The following AMPH variants were observed in gnomAD, a reference collection of about 807,000 sequenced individuals.
AMPH encodes amphiphysin, also known as amphiphysin (Stiff-Mann syndrome with breast cancer 128kD autoantigen).
In AMPH, 49 loss-of-function variants were observed where a neutral mutation model predicts 99.1. The ratio of observed to expected loss-of-function variants is 0.49; its 90% CI spans 0.39 to 0.63. The LOEUF is 0.63. Among genes scored for constraint, AMPH ranks in the 20% least tolerant of loss-of-function variants. The probability of loss-of-function intolerance (pLI) is 0.00; values close to 1 mark genes in which losing one functional copy is unlikely to be tolerated. For missense variants in AMPH, 759 were observed against 863.4 expected, an observed-to-expected ratio of 0.88 and a Z score of 1.52; for synonymous variants, 314 against 317.3, an observed-to-expected ratio of 0.99 and a Z score of 0.11.
chr7:38,408,199 G>A (rs554977444), intron 17 of AMPH, among the ~76,000 whole-genome samples: 43 of 152,296 alleles, frequency 2.8e-4, no homozygotes, highest in Non-Finnish European at 4.6e-4. Flanking sequence ...GAGTTCCACG[G>A]AAATTCTGAG....
intron 1 of AMPH, among the ~76,000 whole-genome samples, chr7:38,587,924 G>A (rs983317744): frequency 6.8e-6 from 1 of 147,932 alleles, no homozygotes; most frequent in African/African-American, 2.6e-5. Context: ...CTGTGTGTGT[G>A]TGTGTGTGTG....
intron 2 of AMPH, among the ~76,000 whole-genome samples, chr7:38,511,690 A>T (rs1413101088): frequency 1.3e-5 from 2 of 152,236 alleles, no homozygotes; most frequent in Non-Finnish European, 2.9e-5. Context: ...AATCAAGTAG[A>T]TAATATACAA....
At chr7:38,492,462 T>G (rs1258670618) in intron 4 of AMPH, among the ~76,000 whole-genome samples, 4 of 151,316 alleles carry the variant, frequency 2.6e-5, no homozygotes, top group African/African-American at 9.7e-5. Context: ...GACACATAAG[T>G]TTTCATCTTG....
intron 2 of AMPH, among the ~76,000 whole-genome samples, chr7:38,530,659 A>G (rs1790363813): frequency 6.6e-6 from 1 of 152,204 alleles, no homozygotes; most frequent in Admixed American, 6.5e-5. Context: ...CGAGTTTATT[A>G]GCAGGAAGGA....
Position 38,411,999 on chromosome 7 carries a change from A to G in AMPH, c.1398+5826T>C, listed in dbSNP as rs118112088. Among the ~76,000 whole-genome samples, 223 of 152,352 alleles carry G rather than the reference A, an allele frequency of 1.5e-3. 2 individuals carry two copies. The highest frequency in any genetic ancestry group is 2.1e-3 in the Non-Finnish European group (144 of 68,038). On this transcript the variant is annotated intron_variant, in intron 17 of 20. Transcript: ENST00000356264. ...GCAGACACAAAACCATCTTATAATC[A>G]TGTGTTGTATGATTCCATTTATATC...
intron 6 of AMPH, among the ~76,000 whole-genome samples, 161 bp downstream of exon 6, chr7:38,476,701 G>T (rs530935924): frequency 6.6e-6 from 1 of 152,100 alleles, no homozygotes; most frequent in Non-Finnish European, 1.5e-5. Flanking sequence ...ATAATGAAAA[G>T]CCTTATTTTA....
chr7:38,525,919 AT>A (rs1201781009), intron 2 of AMPH, among the ~76,000 whole-genome samples: 2 of 152,144 alleles, frequency 1.3e-5, no homozygotes, highest in Non-Finnish European at 2.9e-5. Flanking sequence ...TTTGTGAACA[AT>A]TTTTTTGTGA....
chr7:38,516,341 T>C (rs1293005406), intron 2 of AMPH, among the ~76,000 whole-genome samples: 3 of 152,158 alleles, frequency 2.0e-5, no homozygotes, highest in East Asian at 1.9e-4. Flanking sequence ...CACTGCTCCA[T>C]GCATCCCAGC....
At chr7:38,605,847 A>G (rs1793417652) in intron 1 of AMPH, among the ~76,000 whole-genome samples, 1 of 152,140 alleles carries the variant, frequency 6.6e-6, no homozygotes, top group African/African-American at 2.4e-5. Flanking sequence ...AAGTGCTGGC[A>G]TTACAGGCGT....
chr7:38,519,921 T>C (rs1025332600), intron 2 of AMPH, among the ~76,000 whole-genome samples: 1 of 152,112 alleles, frequency 6.6e-6, no homozygotes, highest in Non-Finnish European at 1.5e-5. Context: ...GTGGTACATA[T>C]ACACCACAGA....
In AMPH at chr7:38,631,266, G is replaced by A. The variant is rs1439248883; in HGVS notation, c.69+17C>T. 2 of 1,513,918 alleles carry A rather than the reference G, an allele frequency of 1.3e-6. No individual in the cohort carries two copies. The highest frequency in any genetic ancestry group is 2.1e-5 in the Admixed American group (1 of 47,590). 93.8% of individuals were successfully genotyped at this position (1,513,918 alleles called of 1,614,324 possible). On this transcript the variant is annotated intron_variant, in intron 1 of 20. Coordinates refer to ENST00000356264, the MANE Select transcript of AMPH (RefSeq NM_001635.4). ...GCCTGGCGTCCCCGGCCCCAGCCCCGGCCGCCCGCCGCTGACCTTTTCCTG... is the reference window on the plus strand; with the variant it reads ...GCCTGGCGTCCCCGGCCCCAGCCCCAGCCGCCCGCCGCTGACCTTTTCCTG...
chr7:38,623,899 G>T lies in AMPH; in HGVS notation c.69+7384C>A, dbSNP rs972561483. Among the ~76,000 whole-genome samples, 7 of 152,288 alleles carry T rather than the reference G, an allele frequency of 4.6e-5. 1 individual carries two copies. The Middle Eastern group carries it at 0.01, about 222-fold the overall frequency. On this transcript the variant is annotated intron_variant, in intron 1 of 20. Coordinates refer to ENST00000356264, the MANE Select transcript of AMPH (RefSeq NM_001635.4). ...ATCACTCAATCAACATTGCACTGAA[G>T]CACATGACTCTGCCAATATTTGACT... is the stretch of plus-strand genomic sequence containing the variant.
At chr7:38,393,277 T>C (rs35130768) in intron 18 of AMPH, among the ~76,000 whole-genome samples, 1 of 152,172 alleles carries the variant, frequency 6.6e-6, no homozygotes, top group Non-Finnish European at 1.5e-5. Context: ...CCTGGAGAAA[T>C]TTTTGAAAAC....
Position 38,537,884 on chromosome 7 carries a change from T to C in AMPH, c.70-2873A>G, listed in dbSNP as rs941848118. Among the ~76,000 whole-genome samples, 20 of 152,240 alleles carry C rather than the reference T, an allele frequency of 1.3e-4. No homozygotes were observed. In the East Asian group the frequency reaches 3.5e-3, roughly 26 times the overall value. On this transcript the variant is annotated intron_variant, in intron 1 of 20. Coordinates refer to ENST00000356264, the MANE Select transcript of AMPH (RefSeq NM_001635.4). ...GGCAAAGATAGTTGATACTATGTGA[T>C]GAGAAGAACACTTGATATGATTTGG... is the stretch of plus-strand genomic sequence containing the variant.
chr7:38,631,242 C>T, intron 1 of AMPH, 41 bp downstream of exon 1: 1 of 1,498,844 alleles, frequency 6.7e-7, no homozygotes. Flanking sequence ...CAAGCCCCCG[C>T]CTGGCGTCCC....
At chr7:38,572,007 G>T (rs1285541460) in intron 1 of AMPH, among the ~76,000 whole-genome samples, 3 of 151,808 alleles carry the variant, frequency 2.0e-5, no homozygotes, top group Non-Finnish European at 4.4e-5. Context: ...CCAGGTTCAA[G>T]TGATTCTCCT....
At chr7:38,562,658 G>A (rs1319283661) in intron 1 of AMPH, among the ~76,000 whole-genome samples, 1 of 151,804 alleles carries the variant, frequency 6.6e-6, no homozygotes, top group African/African-American at 2.4e-5. Flanking sequence ...CACAAAAAGA[G>A]GGAGAAGAGG....
intron 1 of AMPH, among the ~76,000 whole-genome samples, chr7:38,608,440 T>C (rs1793510282): frequency 6.6e-6 from 1 of 152,192 alleles, no homozygotes; most frequent in Non-Finnish European, 1.5e-5. Context: ...TGCCCCCTTC[T>C]TCCACCTTTT....
chr7:38,552,433 T>G (rs1791210876), intron 1 of AMPH, among the ~76,000 whole-genome samples: 1 of 152,190 alleles, frequency 6.6e-6, no homozygotes, highest in Non-Finnish European at 1.5e-5. Flanking sequence ...TTATTTTAAT[T>G]TAATACCCAA....
Sources: allele counts gnomAD v4.1 joint callset (sites outside exome capture counted in the v4.1 genomes callset), GRCh38; gene constraint gnomAD v4.1.1; transcripts MANE v1.5; gene names NCBI Gene and HGNC (gene_info 2026-07-23, HGNC 2026-07-21).